Variants in CORIN observed in about 807,000 individuals in gnomAD.
The protein encoded by CORIN is corin, serine peptidase.
In CORIN, 117 loss-of-function variants were observed where a neutral mutation model predicts 125.3. The ratio of observed to expected loss-of-function variants is 0.93; its 90% CI spans 0.80 to 1.09. The LOEUF (loss-of-function observed/expected upper bound fraction) is 1.09, where lower values mean the gene tolerates loss of function less well. Among genes scored for constraint, CORIN ranks in the 50% least tolerant of loss-of-function variants. The pLI is 0.00. For missense variants in CORIN, 1,253 were observed against 1,306.7 expected (o/e 0.96, Z 0.63); for synonymous variants, 450 against 466.4 (o/e 0.96, Z 0.45).
rs778530870 is a variant in CORIN at position 47,674,470 on chromosome 4, CT to C, written c.1279del (p.Arg427AspfsTer23). 3 of 1,613,756 alleles carry C rather than the reference CT, an allele frequency of 1.9e-6. No individual in the cohort carries two copies. The highest frequency in any genetic ancestry group is 3.3e-5 in the Admixed American group (2 of 60,018). On this transcript the variant is annotated frameshift_variant, in exon 10 of 22. Transcript: ENST00000273857. LOFTEE classifies it high-confidence loss of function. ...IQTSCQEGDQRCLYNPCLDSC... is the reference protein window; with the variant it reads ...IQTSCQEGDQXCLYNPCLDSC... ...ATCAAGGCAGGGATTGTAGAGGCAT[CT>C]TTGGTCTCCTTCTTGACATGAAGTC...
At chr4:47,775,980 C>A (rs1360898858) in intron 3 of CORIN, among the ~76,000 whole-genome samples, 1 of 150,392 alleles carries the variant, frequency 6.6e-6, no homozygotes. Context: ...TCAACTTCAA[C>A]CTCCCAGGCT....
chr4:47,619,156 TA>T (rs1401077605), intron 19 of CORIN, among the ~76,000 whole-genome samples: 1 of 152,202 alleles, frequency 6.6e-6, no homozygotes, highest in African/African-American at 2.4e-5. Flanking sequence ...CATTCTTCCT[TA>T]GAACTTTTGA....
At chr4:47,664,467 C>G (rs947443941) in intron 11 of CORIN, among the ~76,000 whole-genome samples, 1 of 152,120 alleles carries the variant, frequency 6.6e-6, no homozygotes, top group African/African-American at 2.4e-5. Context: ...AGATTTTAAC[C>G]CAAACATGGA....
intron 6 of CORIN, among the ~76,000 whole-genome samples, chr4:47,690,978 AT>A (rs1445353167): frequency 6.6e-6 from 1 of 152,214 alleles, no homozygotes; most frequent in Non-Finnish European, 1.5e-5. Flanking sequence ...CCAAAAGATC[AT>A]TTTTGTGATA....
chr4:47,671,592 A>T (rs1239537354), intron 10 of CORIN, among the ~76,000 whole-genome samples: 1 of 151,862 alleles, frequency 6.6e-6, no homozygotes, highest in Non-Finnish European at 1.5e-5. Context: ...TTATTTATTT[A>T]TTTTTTTATT....
At chr4:47,656,155 T>C (rs1459208773) in intron 12 of CORIN, among the ~76,000 whole-genome samples, 2 of 112,572 alleles carry the variant, frequency 1.8e-5, no homozygotes, top group African/African-American at 7.2e-5. Flanking sequence ...ATTTAGGATT[T>C]TTTTTTTTTT....
intron 21 of CORIN, among the ~76,000 whole-genome samples, chr4:47,596,427 G>A (rs1163459947): frequency 6.6e-6 from 1 of 151,972 alleles, no homozygotes; most frequent in Non-Finnish European, 1.5e-5. Context: ...ATAGTTCTTA[G>A]GACTTTTTAA....
chr4:47,815,838 G>A (rs1017930264), intron 1 of CORIN, among the ~76,000 whole-genome samples: 23 of 151,958 alleles, frequency 1.5e-4, no homozygotes, highest in Admixed American at 1.2e-3. Context: ...TTGATTATTC[G>A]TTACTACATC....
At chr4:47,815,293 G>A (rs1026990524) in intron 1 of CORIN, among the ~76,000 whole-genome samples, 1 of 149,794 alleles carries the variant, frequency 6.7e-6, no homozygotes, top group African/African-American at 2.5e-5. Flanking sequence ...TTCAAGTTCA[G>A]AAAGCTCAAG....
At chr4:47,768,618 T>C (rs1340355690) in intron 3 of CORIN, among the ~76,000 whole-genome samples, 1 of 152,108 alleles carries the variant, frequency 6.6e-6, no homozygotes, top group East Asian at 1.9e-4. Flanking sequence ...ATTAAAAAGA[T>C]CATTTACCAT....
chr4:47,775,908 T>C (rs1461073403), intron 3 of CORIN, among the ~76,000 whole-genome samples: 2 of 152,204 alleles, frequency 1.3e-5, no homozygotes, highest in Non-Finnish European at 2.9e-5. Context: ...TTGGGGTTTT[T>C]TTGAGTCAAG....
At chr4:47,716,659 T>C (rs6838870) in intron 5 of CORIN, among the ~76,000 whole-genome samples, 14,033 of 152,198 alleles carry the variant, frequency 0.092, 788 homozygotes, top group East Asian at 0.27. Flanking sequence ...ATAATATATA[T>C]AGATGACTTT....
At position 47,595,746 on chromosome 4, in the gene CORIN, T is replaced by C; in HGVS notation, c.3104A>G (p.Tyr1035Cys). The C allele has an allele frequency of 6.2e-7, 1 of 1,609,544 alleles. No homozygotes were observed. The highest frequency in any genetic ancestry group is 8.5e-7 in the Non-Finnish European group (1 of 1,178,692). Residue 1035 changes from tyrosine (Y) to cysteine (C), a missense_variant, in exon 22 of 22, where the codon TAC becomes TGC. Physicochemically the swap from Tyr to Cys is radical, Grantham distance 194 (BLOSUM62 -2). Transcript: ENST00000273857. ...TTAGTTTAGGAGAAAGGTCTGGATG[T>C]AAATCTGTCTTTTAATCCATTCGAC... ...YFVEWIKRQI[Y>C]IQTFLLN
chr4:47,778,779 G>A (rs528620148), intron 3 of CORIN, among the ~76,000 whole-genome samples: 10 of 152,132 alleles, frequency 6.6e-5, no homozygotes, highest in African/African-American at 2.4e-4. Flanking sequence ...TGAACAATGG[G>A]GGTCTAACAC....
intron 12 of CORIN, 86 bp downstream of exon 12, chr4:47,661,625 A>G: frequency 8.1e-7 from 1 of 1,234,476 alleles, no homozygotes; most frequent in Non-Finnish European, 1.1e-6. Context: ...CAAACAAACA[A>G]GAAGCCATAA....
chr4:47,644,030 C>T (rs560545818), intron 14 of CORIN, among the ~76,000 whole-genome samples: 1 of 152,318 alleles, frequency 6.6e-6, no homozygotes, highest in East Asian at 1.9e-4. Flanking sequence ...GTGCCCTAGC[C>T]TGGGACAGGA....
intron 2 of CORIN, among the ~76,000 whole-genome samples, chr4:47,796,774 CAAAT>C (rs1577931197): frequency 6.6e-6 from 1 of 151,964 alleles, no homozygotes; most frequent in Admixed American, 6.6e-5. Flanking sequence ...AATAAATAAA[CAAAT>C]AAATAAATAA....
intron 5 of CORIN, among the ~76,000 whole-genome samples, chr4:47,737,905 C>G (rs2109826900): frequency 6.6e-6 from 1 of 152,188 alleles, no homozygotes; most frequent in South Asian, 2.1e-4. Flanking sequence ...TTTTTCTTGT[C>G]TGTTAGCTCC....
chr4:47,744,306 T>G, intron 5 of CORIN, 96 bp downstream of exon 5: 1 of 1,162,084 alleles, frequency 8.6e-7, no homozygotes. Flanking sequence ...TGGTTAAAAT[T>G]TATCAGACTG....
Sources: allele counts gnomAD v4.1 joint callset (sites outside exome capture counted in the v4.1 genomes callset), GRCh38; gene constraint gnomAD v4.1.1; transcripts MANE v1.5; gene names NCBI Gene and HGNC (gene_info 2026-07-23, HGNC 2026-07-21).